PTPRN2: variants seen among roughly 807,000 people sequenced by gnomAD.
The protein encoded by PTPRN2 is protein tyrosine phosphatase receptor type N2.
A neutral mutation model predicts 118.8 loss-of-function variants in PTPRN2; 74 were observed. That is an observed-to-expected ratio of 0.62 (90% CI 0.52 to 0.76). PTPRN2 has a LOEUF of 0.76. PTPRN2 is among the 30% of genes least tolerant of loss of function. The pLI is 0.00. For missense variants in PTPRN2, 1,481 were observed against 1,394.4 expected (o/e 1.06, Z -0.99); for synonymous variants, 641 against 608.0 (o/e 1.05, Z -0.80).
intron 12 of PTPRN2, among the ~76,000 whole-genome samples, chr7:157,802,305 A>G (rs76956598): frequency 0.013 from 1,910 of 152,298 alleles, 46 homozygotes; most frequent in African/African-American, 0.044. Context: ...CAATTGTCAT[A>G]GATTCCACGC....
chr7:157,850,004 C>G (rs911217662), intron 12 of PTPRN2, among the ~76,000 whole-genome samples: 8 of 152,316 alleles, frequency 5.3e-5, no homozygotes, highest in African/African-American at 1.9e-4. Context: ...ATTGGAGCAT[C>G]TTACACGTTT....
rs569500047 is a variant in PTPRN2 at position 158,359,330 on chromosome 7, G to A, written c.164-42398C>T. ...GAAATGAATGCTTTAAATAATGGAT[G>A]TTTTTTCAAGAAACTTAATTTGGTA... is the stretch of plus-strand genomic sequence containing the variant. On this transcript the variant is annotated intron_variant, in intron 2 of 22. Coordinates refer to ENST00000389418, the MANE Select transcript of PTPRN2 (RefSeq NM_002847.5). Among the ~76,000 whole-genome samples the A allele has an allele frequency of 2.6e-5, 4 of 152,324 alleles. No individual in the cohort carries two copies. In the East Asian group the frequency reaches 5.8e-4, roughly 22 times the overall value.
chr7:158,195,363 C>T lies in PTPRN2; in HGVS notation c.381-2868G>A, dbSNP rs147691689. ...TCTCTATGAAATGCACCTTTTTTTC[C>T]TCTGGCTGCTTTTAAGGTTGGCTTT... On this transcript the variant is annotated intron_variant, in intron 4 of 22. Coordinates refer to ENST00000389418, the MANE Select transcript of PTPRN2 (RefSeq NM_002847.5). 2.0e-4 allele frequency among the ~76,000 whole-genome samples: 31 copies of T among 152,142 alleles called. 1 individual carries two copies. In the East Asian group the frequency reaches 5.4e-3, roughly 27 times the overall value.
At chr7:158,054,902 C>T (rs1809662542) in intron 11 of PTPRN2, among the ~76,000 whole-genome samples, 1 of 152,214 alleles carries the variant, frequency 6.6e-6, no homozygotes, top group South Asian at 2.1e-4. Context: ...GCCCGCACGC[C>T]AGTGCCCAAG....
chr7:157,847,620 A>C (rs1164320651), intron 12 of PTPRN2, among the ~76,000 whole-genome samples: 2 of 144,750 alleles, frequency 1.4e-5, no homozygotes, highest in Admixed American at 6.9e-5. Flanking sequence ...GCCCTCTCTC[A>C]CTCCATCATG....
chr7:157,541,654 G>C (rs760763813), intron 22 of PTPRN2, among the ~76,000 whole-genome samples: 1 of 152,234 alleles, frequency 6.6e-6, no homozygotes, highest in Non-Finnish European at 1.5e-5. Flanking sequence ...GAGAACGCGT[G>C]GACGGAAACA....
At chr7:157,815,432 T>C (rs1217967996) in intron 12 of PTPRN2, among the ~76,000 whole-genome samples, 1 of 152,232 alleles carries the variant, frequency 6.6e-6, no homozygotes, top group African/African-American at 2.4e-5. Flanking sequence ...TTTTGTTACC[T>C]GTAGAGCCAC....
chr7:158,198,386 T>G (rs1240538498), intron 4 of PTPRN2, among the ~76,000 whole-genome samples: 1 of 152,222 alleles, frequency 6.6e-6, no homozygotes, highest in Non-Finnish European at 1.5e-5. Context: ...TGAAAAATGT[T>G]TTACACTTAG....
chr7:158,409,033 A>G lies in PTPRN2; in HGVS notation c.163+80702T>C, dbSNP rs900455651. 3.3e-5 allele frequency among the ~76,000 whole-genome samples: 5 copies of G among 152,128 alleles called. No homozygotes were observed. In the South Asian group the frequency reaches 1.0e-3, roughly 32 times the overall value. On this transcript the variant is annotated intron_variant, in intron 2 of 22. Coordinates refer to ENST00000389418, the MANE Select transcript of PTPRN2 (RefSeq NM_002847.5). ...AAAAATCAAAAGATCATCCTCCCAG[A>G]CCAGATTCCAAGCTCAGTGCTTTAT... is the stretch of plus-strand genomic sequence containing the variant.
At chr7:158,059,159 A>G (rs1213090297) in intron 11 of PTPRN2, among the ~76,000 whole-genome samples, 31 of 109,834 alleles carry the variant, frequency 2.8e-4, no homozygotes, top group African/African-American at 9.2e-4. Flanking sequence ...CTGCAGCCAC[A>G]CTCCATCTGC....
At chr7:158,148,423 T>A (rs796141681) in intron 6 of PTPRN2, among the ~76,000 whole-genome samples, 687 of 64,504 alleles carry the variant, frequency 0.011, no homozygotes, top group East Asian at 0.024. Context: ...ACGCCACGTG[T>A]CTTTCCCCTT....
rs1319449704 is a variant in PTPRN2 at position 157,615,441 on chromosome 7, G to A, written c.2344+5921C>T. The A allele has an allele frequency of 2.1e-6, 1 of 471,216 alleles. No individual in the cohort carries two copies. The highest frequency in any genetic ancestry group is 2.3e-5 in the Admixed American group (1 of 42,594). 29.2% of individuals were successfully genotyped at this position (471,216 alleles called of 1,614,324 possible). A position where few individuals can be genotyped will look rare whatever the true frequency, so the allele number is the denominator to read the frequency against. On this transcript the variant is annotated intron_variant, in intron 15 of 22. Transcript: ENST00000389418. The surrounding 1 kb of genome is among the most constrained non-coding windows in gnomAD (Gnocchi z 4.3). ...AGGGCTGTTTCGAGGATGAAAAGGA[G>A]GTGTTTAGCCCCGAGCCTCACGTGG...
intron 13 of PTPRN2, among the ~76,000 whole-genome samples, chr7:157,668,321 A>G (rs1796242356): frequency 6.6e-6 from 1 of 152,124 alleles, no homozygotes; most frequent in Non-Finnish European, 1.5e-5. Flanking sequence ...CAGAGAAGAG[A>G]CCTGTCATTC....
Position 157,794,539 on chromosome 7 carries a change from T to C in PTPRN2, c.1788+104134A>G, listed in dbSNP as rs1040820908. ...TGAGTCAAAGGAGGCAATTATACAA[T>C]AGGACTATCACCCTCACTGTCACTC... is the stretch of plus-strand genomic sequence containing the variant. On this transcript the variant is annotated intron_variant, in intron 12 of 22. Coordinates refer to ENST00000389418, the MANE Select transcript of PTPRN2 (RefSeq NM_002847.5). The surrounding 1 kb of genome is among the most constrained non-coding windows in gnomAD (Gnocchi z 5.2). Among the ~76,000 whole-genome samples the C allele has an allele frequency of 6.6e-6, 1 of 152,238 alleles. No individual in the cohort carries two copies. Among genetic ancestry groups the C allele is most frequent in the Non-Finnish European group, 1.5e-5 (1 of 68,048 alleles).
chr7:158,107,339 C>A (rs543547163), intron 10 of PTPRN2, among the ~76,000 whole-genome samples: 1 of 152,166 alleles, frequency 6.6e-6, no homozygotes, highest in African/African-American at 2.4e-5. Context: ...ACCCTCCCCC[C>A]TCCTAAGTCC....
rs750140096 is a variant in PTPRN2, at chr7:158,071,747, C to CGTG, written c.1723+9550_1723+9551insCAC. ...AGGTGCTCGTGGTGGTGGAGGTGCTCATGGTGGAGGTGCTCGTGGTGATGG... is the reference window on the plus strand; with the variant it reads ...AGGTGCTCGTGGTGGTGGAGGTGCTCGTGATGGTGGAGGTGCTCGTGGTGATGG... On this transcript the variant is annotated intron_variant, in intron 11 of 22. Transcript: ENST00000389418. Among the ~76,000 whole-genome samples the CGTG allele has an allele frequency of 5.2e-3, 387 of 74,798 alleles. 24 individuals are homozygous for CGTG. Among genetic ancestry groups the CGTG allele is most frequent in the African/African-American group, 0.028 (272 of 9,550 alleles). The allele number at this position is 74,798 out of a possible 152,430, so 49.1% of individuals were successfully genotyped here.
At chr7:158,141,441 C>T (rs914656183) in intron 6 of PTPRN2, among the ~76,000 whole-genome samples, 3 of 152,210 alleles carry the variant, frequency 2.0e-5, no homozygotes, top group Non-Finnish European at 4.4e-5. Flanking sequence ...GTGCCCCGTT[C>T]ACTGCATACG....
chr7:158,476,321 C>G (rs1232811553), intron 2 of PTPRN2, among the ~76,000 whole-genome samples: 2 of 152,238 alleles, frequency 1.3e-5, no homozygotes, highest in African/African-American at 4.8e-5. Context: ...TAATTTAGAA[C>G]CAGACACATC....
chr7:158,303,182 A>AAAAACAAAAAC (rs1274915635), intron 3 of PTPRN2, among the ~76,000 whole-genome samples: 1 of 151,686 alleles, frequency 6.6e-6, no homozygotes, highest in African/African-American at 2.4e-5. Flanking sequence ...AAAAAAAAAA[A>AAAAACAAAAAC]AAATTCTTTG....
Sources: allele counts gnomAD v4.1 joint callset (sites outside exome capture counted in the v4.1 genomes callset), GRCh38; gene constraint gnomAD v4.1.1; non-coding constraint Gnocchi (gnomAD v3.1); transcripts MANE v1.5; gene names NCBI Gene and HGNC (gene_info 2026-07-23, HGNC 2026-07-21).